Variants in MED27 observed in about 807,000 individuals in gnomAD.
MED27 encodes mediator complex subunit 27.
In MED27, 30 loss-of-function variants were observed where a neutral mutation model predicts 38.2. That is an observed-to-expected ratio of 0.79 (90% confidence interval 0.59 to 1.07). The LOEUF (loss-of-function observed/expected upper bound fraction) is 1.07. MED27 is among the 50% of genes least tolerant of loss of function. The pLI, the probability that MED27 is intolerant of heterozygous loss-of-function variation, is 0.00. For missense variants in MED27, 289 were observed against 397.5 expected, an observed-to-expected ratio of 0.73 and a Z score of 2.32; for synonymous variants, 122 against 153.5, an observed-to-expected ratio of 0.79 and a Z score of 1.52.
chr9:131,871,160 C>T (rs1005177767), intron 6 of MED27, among the ~76,000 whole-genome samples: 2 of 152,176 alleles, frequency 1.3e-5, no homozygotes, highest in Non-Finnish European at 2.9e-5. Context: ...CTGCTGTACG[C>T]CCCGGATTCG....
At chr9:132,054,232 A>T (rs896849245) in intron 2 of MED27, among the ~76,000 whole-genome samples, 1 of 151,894 alleles carries the variant, frequency 6.6e-6, no homozygotes, top group African/African-American at 2.4e-5. Context: ...GGCCATATTG[A>T]CGTCTCCTTT....
chr9:131,898,161 G>A (rs921209651), intron 4 of MED27, among the ~76,000 whole-genome samples: 2 of 146,380 alleles, frequency 1.4e-5, no homozygotes, highest in Non-Finnish European at 3.0e-5. Context: ...TGGATAGTCA[G>A]TATGAAAAGT....
At chr9:132,014,175 C>G (rs575367715) in intron 3 of MED27, among the ~76,000 whole-genome samples, 162 bp downstream of exon 3, 3 of 152,166 alleles carry the variant, frequency 2.0e-5, no homozygotes, top group East Asian at 3.9e-4. Context: ...CGAGATCATG[C>G]CACTGCATTC....
At chr9:132,074,759 G>A (rs562070725) in intron 2 of MED27, among the ~76,000 whole-genome samples, 2 of 152,116 alleles carry the variant, frequency 1.3e-5, no homozygotes, top group Non-Finnish European at 2.9e-5. Context: ...TTCTTTCAGG[G>A]TTTTGTGTAT....
At chr9:131,960,924 A>C (rs1831202129) in intron 3 of MED27, among the ~76,000 whole-genome samples, 1 of 152,240 alleles carries the variant, frequency 6.6e-6, no homozygotes, top group East Asian at 1.9e-4. Flanking sequence ...AATATTAGGC[A>C]AAACGTAACA....
chr9:131,982,104 G>C lies in MED27; in HGVS notation c.479+32233C>G, dbSNP rs955691965. Among the ~76,000 whole-genome samples, 2 of 152,214 alleles carry C rather than the reference G, an allele frequency of 1.3e-5. No homozygotes were observed. Among genetic ancestry groups the C allele is most frequent in the East Asian group, 1.9e-4 (1 of 5,202 alleles). ...ATGGTCCCCGGTGGAACACTTCCCA[G>C]TATTTATGCCCTTGTGGAGTCTCCT... On this transcript the variant is annotated intron_variant, in intron 3 of 7. Coordinates refer to ENST00000292035, the MANE Select transcript of MED27 (RefSeq NM_004269.4). The surrounding 1 kb of genome is among the most constrained non-coding windows in gnomAD (Gnocchi z 4.3).
intron 3 of MED27, among the ~76,000 whole-genome samples, chr9:131,998,534 T>C (rs1178477908): frequency 6.6e-6 from 1 of 152,148 alleles, no homozygotes; most frequent in East Asian, 1.9e-4. Context: ...TTCATGACGC[T>C]CTAAATACTA....
At chr9:132,023,911 TG>T (rs1464959870) in intron 2 of MED27, among the ~76,000 whole-genome samples, 9 of 152,166 alleles carry the variant, frequency 5.9e-5, no homozygotes, top group Non-Finnish European at 1.2e-4. Flanking sequence ...TTTTTTTTAT[TG>T]ATCATTTTAA....
chr9:131,971,525 G>A (rs774479174), intron 3 of MED27, among the ~76,000 whole-genome samples: 32 of 152,184 alleles, frequency 2.1e-4, no homozygotes, highest in Non-Finnish European at 3.2e-4. Context: ...AACCTATGTC[G>A]TGAAATGTTG....
chr9:131,995,225 T>A (rs1007748714), intron 3 of MED27, among the ~76,000 whole-genome samples: 3 of 152,074 alleles, frequency 2.0e-5, no homozygotes, highest in Non-Finnish European at 4.4e-5. Flanking sequence ...TTGTGTCACA[T>A]GTCATCACCC....
chr9:131,996,463 G>C (rs1280979296), intron 3 of MED27, among the ~76,000 whole-genome samples: 2 of 152,194 alleles, frequency 1.3e-5, no homozygotes, highest in Non-Finnish European at 2.9e-5. Context: ...TGCAGAGGTG[G>C]AGGCTATAGT....
intron 3 of MED27, among the ~76,000 whole-genome samples, chr9:131,959,819 C>A (rs1006130524): frequency 3.9e-5 from 6 of 152,230 alleles, no homozygotes; most frequent in South Asian, 2.1e-4. Flanking sequence ...TATATAACAG[C>A]AGAACAATTC....
intron 2 of MED27, among the ~76,000 whole-genome samples, chr9:132,063,521 C>T (rs771721914): frequency 6.6e-6 from 1 of 152,184 alleles, no homozygotes; most frequent in Non-Finnish European, 1.5e-5. Flanking sequence ...GCTGTCTGAG[C>T]TACTGTGAAA....
At chr9:131,909,545 G>A (rs941564070) in intron 4 of MED27, among the ~76,000 whole-genome samples, 11 of 152,198 alleles carry the variant, frequency 7.2e-5, no homozygotes, top group African/African-American at 1.9e-4. Context: ...CAGACCTGCC[G>A]CTTGCATTAG....
intron 3 of MED27, among the ~76,000 whole-genome samples, chr9:131,994,225 TC>T (rs1409195300): frequency 6.6e-6 from 1 of 152,204 alleles, no homozygotes; most frequent in African/African-American, 2.4e-5. Context: ...AAGTCGCAAT[TC>T]CCAGGAACCT....
At chr9:131,882,426 T>C (rs1234597783) in intron 6 of MED27, among the ~76,000 whole-genome samples, 1 of 152,182 alleles carries the variant, frequency 6.6e-6, no homozygotes, top group African/African-American at 2.4e-5. Context: ...CCAAGGAGCA[T>C]TCACTTTAAA....
chr9:131,979,887 T>C (rs556078023), intron 3 of MED27, among the ~76,000 whole-genome samples: 1 of 149,502 alleles, frequency 6.7e-6, no homozygotes, highest in East Asian at 2.0e-4. Flanking sequence ...CGAGATTCTA[T>C]GGGACTTCTT....
At chr9:132,077,320 T>C in intron 2 of MED27, 122 bp downstream of exon 2, 1 of 1,010,776 alleles carries the variant, frequency 9.9e-7, no homozygotes, top group South Asian at 1.6e-5. Flanking sequence ...TCCAACTCTA[T>C]AACCCCATGC....
intron 3 of MED27, among the ~76,000 whole-genome samples, chr9:132,005,356 A>G (rs1431575222): frequency 6.6e-6 from 1 of 152,236 alleles, no homozygotes; most frequent in Non-Finnish European, 1.5e-5. Context: ...TTAAATGTTT[A>G]CAATCCAACC....
Sources: gnomAD v4.1 joint callset for allele counts (sites outside exome capture counted in the v4.1 genomes callset) on GRCh38, gnomAD v4.1.1 for gene constraint, Gnocchi (gnomAD v3.1) non-coding constraint, MANE v1.5 for transcripts, NCBI Gene and HGNC (gene_info 2026-07-23, HGNC 2026-07-21) for gene names.